SYNE1: variants seen among roughly 807,000 people sequenced by gnomAD.
SYNE1 encodes spectrin repeat containing nuclear envelope protein 1.
Under a neutral mutation model 1,111.0 loss-of-function variants are expected in SYNE1, and 616 were observed. The observed-to-expected ratio is 0.55, with a 90% CI of 0.52 to 0.59. The LOEUF (loss-of-function observed/expected upper bound fraction) is 0.59. Ranked by LOEUF, SYNE1 falls within the 20% of genes least tolerant of loss-of-function variation. The pLI is 0.00. For synonymous variants in SYNE1, 3,855 were observed against 3,825.8 expected (o/e 1.01, Z -0.28); for missense variants, 10,006 against 10,417.0 (o/e 0.96, Z 1.72).
intron 101 of SYNE1, 71 bp from the exon 102 acceptor site, chr6:152,256,836 A>C: frequency 6.3e-7 from 1 of 1,596,824 alleles, no homozygotes; most frequent in Non-Finnish European, 8.5e-7. Flanking sequence ...TTGGAAATGC[A>C]TACTGAAATA....
Position 152,451,034 on chromosome 6 carries a change from G to T in SYNE1, c.3186+13C>A. On this transcript the variant is annotated intron_variant, in intron 26 of 145. Transcript: ENST00000367255. ...TTGACACGGCTATCCACATTGTGGTGTGGGAGACGTACCCTGTGCTCTTTA... is the reference window on the plus strand; with the variant it reads ...TTGACACGGCTATCCACATTGTGGTTTGGGAGACGTACCCTGTGCTCTTTA... The T allele has an allele frequency of 6.2e-7, 1 of 1,614,090 alleles. No homozygotes were observed. The highest frequency in any genetic ancestry group is 2.2e-5 in the East Asian group (1 of 44,866).
Position 152,396,861 on chromosome 6 carries a change from T to C in SYNE1, c.7470A>G (p.Thr2490=). 1.2e-6 allele frequency: 2 copies of C among 1,614,200 alleles called. No homozygotes were observed. Among genetic ancestry groups the C allele is most frequent in the East Asian group, 2.2e-5 (1 of 44,882 alleles). ...QIVSSIQEQI[T]KANEEFQAFL... is the part of the protein sequence containing the mutation. ...ATGCTTGAAACTCTTCATTGGCCTT[T>C]GTGATTTGTTCTTGAATGCTACTGA... The change falls in exon 50 of 146, where the codon ACA becomes ACG. Residue 2490 remains threonine (T), a synonymous_variant. Transcript: ENST00000367255.
intron 76 of SYNE1, 27 bp from the exon 77 acceptor site, chr6:152,334,300 T>A: frequency 6.2e-7 from 1 of 1,610,994 alleles, no homozygotes. Context: ...ACAAAAAATA[T>A]GTAATGTGTT....
intron 115 of SYNE1, among the ~76,000 whole-genome samples, chr6:152,226,993 AC>A (rs1382758528): frequency 2.0e-5 from 3 of 152,210 alleles, no homozygotes; most frequent in African/African-American, 7.2e-5. Flanking sequence ...ACTTTGGATA[AC>A]ACCTCAATTG....
intron 39 of SYNE1, 74 bp downstream of exon 39, chr6:152,425,307 T>C (rs2098335172): frequency 6.6e-6 from 10 of 1,506,586 alleles, no homozygotes; most frequent in African/African-American, 1.4e-5. Flanking sequence ...AACAAAACTA[T>C]GCTTTCTTAA....
chr6:152,224,961 A>G (rs915193082), intron 116 of SYNE1, among the ~76,000 whole-genome samples: 12 of 145,560 alleles, frequency 8.2e-5, no homozygotes, highest in African/African-American at 2.3e-4. Context: ...ATATATGTGT[A>G]TATATATATA....
chr6:152,363,074 G>C (rs994713161), intron 63 of SYNE1, among the ~76,000 whole-genome samples: 2 of 151,084 alleles, frequency 1.3e-5, no homozygotes, highest in Admixed American at 6.6e-5. Flanking sequence ...GTAGAGACAG[G>C]GTTTCACTGT....
chr6:152,416,968 CAGACTCT>C lies in SYNE1; in HGVS notation c.5462_5468del (p.Gln1821ArgfsTer5). Reference sequence around the variant, plus strand: ...AACCCAACTTTGCTAAGTGACCCTGCAGACTCTGCAATTCGCCCTTTTTGCTCTCTAC... The same window carrying C: ...AACCCAACTTTGCTAAGTGACCCTGCGCAATTCGCCCTTTTTGCTCTCTAC... On this transcript the variant is annotated frameshift_variant, in exon 41 of 146. Transcript: ENST00000367255. LOFTEE classifies it high-confidence loss of function. 6.2e-7 allele frequency: 1 copy of C among 1,614,184 alleles called. No homozygotes were observed. The highest frequency in any genetic ancestry group is 8.5e-7 in the Non-Finnish European group (1 of 1,180,024).
Position 152,331,362 on chromosome 6 carries a change from C to T in SYNE1, c.13323G>A (p.Val4441=), listed in dbSNP as rs770562637. ...TGTTTAAGTACTTTCTTCGCTGGCC[C>T]ACTAAGTCACTGAGACAATTCACGT... ...QSHVNCLSDL[V]GQRRKYLNKA... The change falls in exon 78 of 146, where the codon GTG becomes GTA. Residue 4441 remains valine, a synonymous_variant. Coordinates refer to ENST00000367255, the MANE Select transcript of SYNE1 (RefSeq NM_182961.4). 3 of 1,614,174 alleles carry T rather than the reference C, an allele frequency of 1.9e-6. No individual in the cohort carries two copies. Among genetic ancestry groups the T allele is most frequent in the Non-Finnish European group, 8.5e-7 (1 of 1,180,032 alleles).
At chr6:152,141,064 CTG>C in intron 139 of SYNE1, 137 bp downstream of exon 139, 1 of 1,241,588 alleles carries the variant, frequency 8.1e-7, no homozygotes, top group Middle Eastern at 2.0e-4. Flanking sequence ...AAAAAGGAGA[CTG>C]TTATAACTTG....
chr6:152,410,614 A>G (rs1321189015), intron 42 of SYNE1, among the ~76,000 whole-genome samples: 8 of 152,150 alleles, frequency 5.3e-5, no homozygotes, highest in Admixed American at 5.2e-4. Flanking sequence ...GCATGCCTGT[A>G]ATCCTACTTA....
At chr6:152,563,633 T>C (rs2099402121) in intron 3 of SYNE1, among the ~76,000 whole-genome samples, 1 of 152,172 alleles carries the variant, frequency 6.6e-6, no homozygotes, top group Non-Finnish European at 1.5e-5. Context: ...ATTTTAAAAA[T>C]CTTAATAACT....
chr6:152,219,228 C>G (rs764549935), intron 119 of SYNE1, 43 bp from the exon 120 acceptor site: 2 of 1,585,750 alleles, frequency 1.3e-6, no homozygotes, highest in Non-Finnish European at 1.7e-6. Flanking sequence ...CATGTTGATA[C>G]TCCTTATCAT....
chr6:152,202,004 G>A (rs1040798821), intron 126 of SYNE1, 55 bp from the exon 127 acceptor site: 103 of 1,600,776 alleles, frequency 6.4e-5, no homozygotes, highest in Admixed American at 1.5e-4. Context: ...GGAAACTGGG[G>A]GGGGAAAAGA....
chr6:152,185,092 G>A (rs917592112), intron 128 of SYNE1, among the ~76,000 whole-genome samples: 6 of 152,018 alleles, frequency 3.9e-5, no homozygotes, highest in Admixed American at 6.6e-5. Context: ...ACAAAACAAC[G>A]AGCAATTACG....
chr6:152,233,391 G>A (rs1030573447), intron 112 of SYNE1, among the ~76,000 whole-genome samples: 1 of 151,606 alleles, frequency 6.6e-6, no homozygotes, highest in African/African-American at 2.4e-5. Context: ...GCAGTGGCGC[G>A]ATCTCGGCTC....
At chr6:152,624,351 A>G (rs2099681801) in intron 3 of SYNE1, among the ~76,000 whole-genome samples, 1 of 152,190 alleles carries the variant, frequency 6.6e-6, no homozygotes, top group African/African-American at 2.4e-5. Context: ...TCACATTTAA[A>G]ATGTAGTTAA....
intron 97 of SYNE1, among the ~76,000 whole-genome samples, chr6:152,279,716 CAAAA>C (rs71017531): frequency 1.6e-5 from 1 of 63,052 alleles, no homozygotes; most frequent in Non-Finnish European, 3.4e-5. Flanking sequence ...GACCTTGTCT[CAAAA>C]AAAAAAAAAA....
chr6:152,548,812 A>G (rs2099327154), intron 3 of SYNE1, among the ~76,000 whole-genome samples: 1 of 152,204 alleles, frequency 6.6e-6, no homozygotes, highest in Non-Finnish European at 1.5e-5. Flanking sequence ...ATCCAGGGGT[A>G]GAATCAATTT....
Sources: gnomAD v4.1 joint callset for allele counts (sites outside exome capture counted in the v4.1 genomes callset) on GRCh38, gnomAD v4.1.1 for gene constraint, MANE v1.5 for transcripts, NCBI Gene and HGNC (gene_info 2026-07-23, HGNC 2026-07-21) for gene names.